Variants in ARHGDIA observed in about 807,000 individuals in gnomAD.
The protein encoded by ARHGDIA is Rho GDP dissociation inhibitor alpha, also known as rho GDP-dissociation inhibitor 1.
A neutral mutation model predicts 25.0 loss-of-function variants in ARHGDIA; 9 were observed. The ratio of observed to expected loss-of-function variants is 0.36; its 90% CI spans 0.22 to 0.63. ARHGDIA has a LOEUF of 0.63. ARHGDIA is among the 20% of genes least tolerant of loss of function. The pLI, the probability that ARHGDIA is intolerant of heterozygous loss-of-function variation, is 0.69. For missense variants in ARHGDIA, 239 were observed against 264.3 expected (o/e 0.90, Z 0.66); for synonymous variants, 166 against 111.5 (o/e 1.49, Z -3.08).
chr17:81,869,510 C>T, intron 3 of ARHGDIA, 32 bp downstream of exon 3: 3 of 1,606,192 alleles, frequency 1.9e-6, no homozygotes, highest in Non-Finnish European at 2.5e-6. Context: ...CACCAGGGGC[C>T]GCCCGGACCC....
chr17:81,869,716 C>T, intron 2 of ARHGDIA, 25 bp downstream of exon 2: 2 of 1,601,584 alleles, frequency 1.2e-6, no homozygotes, highest in Admixed American at 1.7e-5. Context: ...CGGGCGGCCA[C>T]CCGGCTCCCG....
Position 81,869,543 on chromosome 17 carries a change from C to G in ARHGDIA, c.273G>C (p.Thr91=), listed in dbSNP as rs1216203817. Residue 91 remains threonine (T), a splice_region_variant and synonymous_variant, in exon 3 of 6, where the codon ACG becomes ACC. Transcript: ENST00000269321. ...SAPGPLELDL[T]GDLESFKKQS... Reference sequence around the variant, plus strand: ...CCCCCGCGGCCGCAGGGCACTCACCCGTCAGGTCCAGCTCCAGGGGGCCCG... The same window carrying G: ...CCCCCGCGGCCGCAGGGCACTCACCGGTCAGGTCCAGCTCCAGGGGGCCCG... 2 of 1,588,350 alleles carry G rather than the reference C, an allele frequency of 1.3e-6. No homozygotes were observed. The highest frequency in any genetic ancestry group is 1.8e-5 in the Admixed American group (1 of 56,286).
Position 81,869,062 on chromosome 17 carries a change from G to A in ARHGDIA, c.429C>T (p.Asp143=), listed in dbSNP as rs1173570602. 1.2e-6 allele frequency: 2 copies of A among 1,612,930 alleles called. No homozygotes were observed. The highest frequency in any genetic ancestry group is 2.2e-5 in the East Asian group (1 of 44,870). Reference sequence around the variant, plus strand: ...GGGGCCCATAGCTGCCTACCATGTAGTCAGTCTTGTCAACTGCGGCACAAG... The same window carrying A: ...GGGGCCCATAGCTGCCTACCATGTAATCAGTCTTGTCAACTGCGGCACAAG... ...YRKGVKIDKT[D]YMVGSYGPRA... Residue 143 remains aspartate (D), a synonymous_variant, in exon 6 of 6, where the codon GAC becomes GAT. Coordinates refer to ENST00000269321, the MANE Select transcript of ARHGDIA (RefSeq NM_004309.6).
rs749038625 is a variant in ARHGDIA at position 81,869,147 on chromosome 17, T to C, written c.415+26A>G. Reference sequence around the variant, plus strand: ...GGCAGCACGCACCCAAGCGGCCCCCTCTGCCCTGCCCGGGGCCCCACTCAC... The same window carrying C: ...GGCAGCACGCACCCAAGCGGCCCCCCCTGCCCTGCCCGGGGCCCCACTCAC... On this transcript the variant is annotated intron_variant, in intron 5 of 5. Transcript: ENST00000269321. 4.3e-6 allele frequency: 7 copies of C among 1,613,638 alleles called. No individual in the cohort carries two copies. In the South Asian group the frequency reaches 7.7e-5, roughly 18 times the overall value.
Position 81,868,782 on chromosome 17 carries a change from AGCACTTTG to A in ARHGDIA, c.*86_*93del. 1 of 1,372,604 alleles carries A rather than the reference AGCACTTTG, an allele frequency of 7.3e-7. No homozygotes were observed. The highest frequency in any genetic ancestry group is 9.9e-7 in the Non-Finnish European group (1 of 1,010,986). 85.0% of individuals were successfully genotyped at this position (1,372,604 alleles called of 1,614,324 possible). A position where few individuals can be genotyped will look rare whatever the true frequency, so the allele number is the denominator to read the frequency against. On this transcript the variant is annotated 3_prime_UTR_variant, in exon 6 of 6. Transcript: ENST00000269321. ...GTGGGAGGGGCACGGAGGGCCTGTC[AGCACTTTG>A]GTATGGGGAGGGGAGGGGCTGGGGG...
rs1439891573 is a variant in ARHGDIA, at chr17:81,869,158, C to T, written c.415+15G>A. ...CCCAAGCGGCCCCCTCTGCCCTGCCCGGGGCCCCACTCACTCTTGACGCCT... is the reference window on the plus strand; with the variant it reads ...CCCAAGCGGCCCCCTCTGCCCTGCCTGGGGCCCCACTCACTCTTGACGCCT... On this transcript the variant is annotated intron_variant, in intron 5 of 5. Transcript: ENST00000269321. The T allele has an allele frequency of 3.7e-6, 6 of 1,613,754 alleles. No individual in the cohort carries two copies. The African/African-American group carries it at 5.3e-5, about 14-fold the overall frequency.
In ARHGDIA at chr17:81,868,095, G is replaced by C. The variant is rs2039102908; in HGVS notation, c.*781C>G. ...TGCCCGCTGAGACAGAAAAGGCAGA[G>C]GCAGGACAATACCCAGCCTCCTGGA... On this transcript the variant is annotated 3_prime_UTR_variant, in exon 6 of 6. Transcript: ENST00000269321. The C allele has an allele frequency of 2.7e-6, 1 of 374,968 alleles. No homozygotes were observed. The highest frequency in any genetic ancestry group is 3.9e-5 in the East Asian group (1 of 25,382). 23.2% of individuals were successfully genotyped at this position (374,968 alleles called of 1,614,324 possible). A position where few individuals can be genotyped will look rare whatever the true frequency, so the allele number is the denominator to read the frequency against.
rs1331993626 is a variant in ARHGDIA at position 81,868,794 on chromosome 17, T to TGGGGA, written c.*77_*81dup. The TGGGGA allele has an allele frequency of 1.8e-5, 11 of 612,474 alleles. No homozygotes were observed. The highest frequency in any genetic ancestry group is 1.4e-4 in the Admixed American group (4 of 28,338). The allele number at this position is 612,474 out of a possible 1,614,324, so 37.9% of individuals were successfully genotyped here. On this transcript the variant is annotated 3_prime_UTR_variant, in exon 6 of 6. Coordinates refer to ENST00000269321, the MANE Select transcript of ARHGDIA (RefSeq NM_004309.6). ...CGGAGGGCCTGTCAGCACTTTGGTA[T>TGGGGA]GGGGAGGGGAGGGGCTGGGGGGGAC...
rs1227861562 is a variant in ARHGDIA, at chr17:81,868,729, T to C, written c.*147A>G. 1.3e-6 allele frequency: 2 copies of C among 1,534,124 alleles called. No individual in the cohort carries two copies. Among genetic ancestry groups the C allele is most frequent in the East Asian group, 2.4e-5 (1 of 40,874 alleles). On this transcript the variant is annotated 3_prime_UTR_variant, in exon 6 of 6. Coordinates refer to ENST00000269321, the MANE Select transcript of ARHGDIA (RefSeq NM_004309.6). ...GAGGAGGGGGGTCGGAGGCACTCGG[T>C]TGAGCCAGGCCAGGGAGGCGGACCA...
In ARHGDIA at chr17:81,868,289, A is replaced by T; in HGVS notation, c.*587T>A. 1 of 1,332,270 alleles carries T rather than the reference A, an allele frequency of 7.5e-7. No homozygotes were observed. The highest frequency in any genetic ancestry group is 9.8e-7 in the Non-Finnish European group (1 of 1,022,008). 82.5% of individuals were successfully genotyped at this position (1,332,270 alleles called of 1,614,324 possible). On this transcript the variant is annotated 3_prime_UTR_variant, in exon 6 of 6. Transcript: ENST00000269321. ...GGGTCACTGGGTTCGCCACCGGGGA[A>T]GGGACGGGGAGGCCACATGCTCATG...
chr17:81,869,589 G>A lies in ARHGDIA; in HGVS notation c.227C>T (p.Thr76Ile). The A allele has an allele frequency of 1.3e-6, 2 of 1,528,978 alleles. No homozygotes were observed. Among genetic ancestry groups the A allele is most frequent in the Non-Finnish European group, 1.8e-6 (2 of 1,140,782 alleles). 94.7% of individuals were successfully genotyped at this position (1,528,978 alleles called of 1,614,324 possible). The change falls in exon 3 of 6, where the codon ACC becomes ATC. Residue 76 changes from threonine to isoleucine, a missense_variant. This residue lies in a region of ARHGDIA where 135 missense variants were observed against 119.8 expected (regional missense o/e 1.13). Coordinates refer to ENST00000269321, the MANE Select transcript of ARHGDIA (RefSeq NM_004309.6). ...NVPNVVVTGL[T>I]LVCSSAPGPL... is the part of the protein sequence containing the mutation. ...GCCCGGGGCCGAGCTGCACACCAGG[G>A]TCAGGCCAGTCACCACGACGTTGGG...
In ARHGDIA at chr17:81,869,316, A is replaced by G. The variant is rs1214256270; in HGVS notation, c.351+14T>C. 2 of 1,613,904 alleles carry G rather than the reference A, an allele frequency of 1.2e-6. No individual in the cohort carries two copies. Among genetic ancestry groups the G allele is most frequent in the Non-Finnish European group, 1.7e-6 (2 of 1,179,938 alleles). ...CCCGCCTCCATTCCCTGGCCACAGC[A>G]GCCTGTAGCTTACCCGGAAAGAGAT... On this transcript the variant is annotated intron_variant, in intron 4 of 5. Coordinates refer to ENST00000269321, the MANE Select transcript of ARHGDIA (RefSeq NM_004309.6).
At position 81,869,378 on chromosome 17, in the gene ARHGDIA, C is replaced by T. The variant is rs1410882059; in HGVS notation, c.303G>A (p.Ser101=). ...ACTCCACACCCTCCTTCAGCACAAA[C>T]GACTGCTTCTTGAAGCTCTCCAGGT... ...TGDLESFKKQ[S]FVLKEGVEYR... Residue 101 remains serine (S), a synonymous_variant, in exon 4 of 6, where the codon TCG becomes TCA. Coordinates refer to ENST00000269321, the MANE Select transcript of ARHGDIA (RefSeq NM_004309.6). The T allele has an allele frequency of 6.2e-7, 1 of 1,614,082 alleles. No individual in the cohort carries two copies. The highest frequency in any genetic ancestry group is 1.1e-5 in the South Asian group (1 of 91,088).
chr17:81,869,113 T>A, intron 5 of ARHGDIA, 38 bp from the exon 6 acceptor site: 1 of 1,612,620 alleles, frequency 6.2e-7, no homozygotes, highest in Non-Finnish European at 8.5e-7. Context: ...CGGCCCCGCT[T>A]CCCCGCCTGG....
Position 81,868,906 on chromosome 17 carries a change from A to G in ARHGDIA, c.585T>C (p.Asn195=), listed in dbSNP as rs1179945356. ...DKTDHLSWEW[N]LTIKKDWKD is the part of the protein sequence containing the mutation. ...CCTTCCAGTCCTTCTTGATGGTGAG[A>G]TTCCACTCCCAGGACAGGTGGTCGG... The change falls in exon 6 of 6, where the codon AAT becomes AAC. Residue 195 remains asparagine (N), a synonymous_variant. Coordinates refer to ENST00000269321, the MANE Select transcript of ARHGDIA (RefSeq NM_004309.6). 1 of 1,613,268 alleles carries G rather than the reference A, an allele frequency of 6.2e-7. No homozygotes were observed. Among genetic ancestry groups the G allele is most frequent in the Non-Finnish European group, 8.5e-7 (1 of 1,179,836 alleles).
At position 81,868,497 on chromosome 17, in the gene ARHGDIA, A is replaced by C. The variant is rs1170559998; in HGVS notation, c.*379T>G. ...AGCTCCACCCCGGAGCAGCAGACGC[A>C]CACGTCCAGGGGCAACCACGGGGCC... On this transcript the variant is annotated 3_prime_UTR_variant, in exon 6 of 6. Transcript: ENST00000269321. 3 of 1,527,764 alleles carry C rather than the reference A, an allele frequency of 2.0e-6. No individual in the cohort carries two copies. The highest frequency in any genetic ancestry group is 1.8e-6 in the Non-Finnish European group (2 of 1,141,648). 94.6% of individuals were successfully genotyped at this position (1,527,764 alleles called of 1,614,324 possible).
Position 81,868,564 on chromosome 17 carries a change from G to C in ARHGDIA, c.*312C>G, listed in dbSNP as rs757001317. On this transcript the variant is annotated 3_prime_UTR_variant, in exon 6 of 6. Coordinates refer to ENST00000269321, the MANE Select transcript of ARHGDIA (RefSeq NM_004309.6). ...CGCTCCCTCCTGAAGCCAGGCCTCG[G>C]GTGTGACGGGGAGATAGAACCTGGG... 2.6e-6 allele frequency: 4 copies of C among 1,535,164 alleles called. No homozygotes were observed. In the South Asian group the frequency reaches 4.8e-5, roughly 18 times the overall value.
rs149223274 is a variant in ARHGDIA, at chr17:81,869,399, C to T, written c.282G>A (p.Leu94=). ...CAAACGACTGCTTCTTGAAGCTCTC[C>T]AGGTCGCCTGTTGGGGGGACCTCCC... is the stretch of plus-strand genomic sequence containing the variant. The part of the protein sequence containing the change: ...GPLELDLTGD[L]ESFKKQSFVL... The change falls in exon 4 of 6, where the codon CTG becomes CTA. Residue 94 remains leucine, a synonymous_variant. Coordinates refer to ENST00000269321, the MANE Select transcript of ARHGDIA (RefSeq NM_004309.6). 2.3e-5 allele frequency: 37 copies of T among 1,613,848 alleles called. No homozygotes were observed. In the African/African-American group the frequency reaches 4.8e-4, roughly 21 times the overall value.
chr17:81,868,321 C>T lies in ARHGDIA; in HGVS notation c.*555G>A. 7.1e-7 allele frequency: 1 copy of T among 1,415,708 alleles called. No homozygotes were observed. Among genetic ancestry groups the T allele is most frequent in the Non-Finnish European group, 9.2e-7 (1 of 1,084,876 alleles). 87.7% of individuals were successfully genotyped at this position (1,415,708 alleles called of 1,614,324 possible). A position where few individuals can be genotyped will look rare whatever the true frequency, so the allele number is the denominator to read the frequency against. ...GGGAGGCCACATGCTCATGCAGACA[C>T]AGGGAGTTAGAGGCTAGTGAGGCCC... On this transcript the variant is annotated 3_prime_UTR_variant, in exon 6 of 6. Coordinates refer to ENST00000269321, the MANE Select transcript of ARHGDIA (RefSeq NM_004309.6).
Sources: allele counts gnomAD v4.1 joint callset, GRCh38; gene constraint gnomAD v4.1.1; regional missense constraint gnomAD v4.1.1; transcripts MANE v1.5; gene names NCBI Gene and HGNC (gene_info 2026-07-23, HGNC 2026-07-21).